Variants in PHACTR1 observed in about 807,000 individuals in gnomAD.
PHACTR1 encodes RPEL repeat containing 1.
A neutral mutation model predicts 69.2 loss-of-function variants in PHACTR1; 16 were observed. The observed-to-expected ratio is 0.23, with a 90% CI of 0.16 to 0.35. The LOEUF is 0.35. PHACTR1 is among the 10% of genes least tolerant of loss of function. PHACTR1 has a pLI of 1.00. For missense variants in PHACTR1, 510 were observed against 734.7 expected (o/e 0.69, Z 3.54); for synonymous variants, 312 against 284.5 (o/e 1.10, Z -0.97).
At chr6:13,074,258 A>G (rs1810039948) in intron 5 of PHACTR1, among the ~76,000 whole-genome samples, 1 of 152,212 alleles carries the variant, frequency 6.6e-6, no homozygotes, top group African/African-American at 2.4e-5. Context: ...AACATAAAAA[A>G]GATCTTACCC....
intron 5 of PHACTR1, among the ~76,000 whole-genome samples, chr6:13,088,203 G>A (rs1169993226): frequency 6.6e-6 from 1 of 151,982 alleles, no homozygotes; most frequent in South Asian, 2.1e-4. Flanking sequence ...AAATATAATA[G>A]ATTTTAAAAA....
chr6:12,810,968 C>T (rs905915204), intron 4 of PHACTR1, among the ~76,000 whole-genome samples: 8 of 152,208 alleles, frequency 5.3e-5, no homozygotes, highest in Non-Finnish European at 1.2e-4. Context: ...CATTGACGCG[C>T]TTTGTGTCAG....
At chr6:12,899,396 T>G (rs375748919) in intron 4 of PHACTR1, among the ~76,000 whole-genome samples, 1 of 152,228 alleles carries the variant, frequency 6.6e-6, no homozygotes, top group Admixed American at 6.5e-5. Flanking sequence ...GCCTTTTACC[T>G]GTTAATGTAA....
Position 12,845,424 on chromosome 6 carries a change from CA to C in PHACTR1, c.250+95635del, listed in dbSNP as rs1284610284. Among the ~76,000 whole-genome samples the C allele has an allele frequency of 7.9e-3, 176 of 22,376 alleles. 2 individuals carry two copies. Among genetic ancestry groups the C allele is most frequent in the African/African-American group, 0.018 (114 of 6,478 alleles). The allele number at this position is 22,376 out of a possible 152,430, so 14.7% of individuals were successfully genotyped here. A position where few individuals can be genotyped will look rare whatever the true frequency, so the allele number is the denominator to read the frequency against. On this transcript the variant is annotated intron_variant, in intron 4 of 14. Transcript: ENST00000332995. ...AGTGCCAAGATGTCATTGTGAACAC[CA>C]CCCACCCCCCCCCCCCCCGCCCTCC...
At chr6:13,272,989 G>C in intron 11 of PHACTR1, 74 bp downstream of exon 11, 1 of 1,582,584 alleles carries the variant, frequency 6.3e-7, no homozygotes. Flanking sequence ...TAGGCCACAA[G>C]GTTTCTACCT....
At chr6:12,950,762 T>C (rs747820124) in intron 4 of PHACTR1, among the ~76,000 whole-genome samples, 4 of 152,154 alleles carry the variant, frequency 2.6e-5, no homozygotes, top group South Asian at 2.1e-4. Context: ...ACCTTAGAAC[T>C]TCCCCCCAGT....
intron 5 of PHACTR1, among the ~76,000 whole-genome samples, chr6:13,079,001 T>C (rs1209350699): frequency 6.6e-6 from 1 of 152,240 alleles, no homozygotes; most frequent in Non-Finnish European, 1.5e-5. Context: ...AACTTAATTT[T>C]TTTTCTTCTT....
intron 4 of PHACTR1, among the ~76,000 whole-genome samples, chr6:13,000,181 C>T (rs1010786536): frequency 9.2e-5 from 14 of 152,126 alleles, no homozygotes; most frequent in Admixed American, 7.2e-4. Context: ...TGGGAATCCA[C>T]GACAAGGCAT....
intron 8 of PHACTR1, among the ~76,000 whole-genome samples, chr6:13,217,210 C>T (rs1767812076): frequency 6.6e-6 from 1 of 152,238 alleles, no homozygotes; most frequent in Non-Finnish European, 1.5e-5. Context: ...AGGAAGCACA[C>T]TGCACCAGCA....
chr6:12,753,963 TA>T (rs61481822), intron 4 of PHACTR1, among the ~76,000 whole-genome samples: 4,030 of 120,864 alleles, frequency 0.033, 227 homozygotes, highest in African/African-American at 0.1. Context: ...TATATATATA[TA>T]TATATATTTT....
chr6:12,844,715 G>A (rs1779030451), intron 4 of PHACTR1, among the ~76,000 whole-genome samples: 1 of 151,418 alleles, frequency 6.6e-6, no homozygotes, highest in African/African-American at 2.4e-5. Context: ...GTTTCAAGAA[G>A]TATTTGAGGT....
At chr6:13,220,088 A>C (rs1229618339) in intron 8 of PHACTR1, among the ~76,000 whole-genome samples, 1 of 152,220 alleles carries the variant, frequency 6.6e-6, no homozygotes, top group Non-Finnish European at 1.5e-5. Context: ...GAACATTTAC[A>C]ACACGCTTTC....
intron 4 of PHACTR1, among the ~76,000 whole-genome samples, chr6:12,804,347 A>G (rs1304975968): frequency 6.6e-6 from 1 of 151,994 alleles, no homozygotes; most frequent in Non-Finnish European, 1.5e-5. Context: ...AATTTTTCTG[A>G]TTTCTTCTCA....
intron 4 of PHACTR1, among the ~76,000 whole-genome samples, chr6:12,768,389 C>T (rs1768939703): frequency 6.6e-6 from 1 of 152,196 alleles, no homozygotes; most frequent in South Asian, 2.1e-4. Flanking sequence ...GCTGGGATTA[C>T]AGGCGTGAGC....
chr6:13,003,664 G>A (rs1798364816), intron 4 of PHACTR1, among the ~76,000 whole-genome samples: 1 of 151,764 alleles, frequency 6.6e-6, no homozygotes, highest in African/African-American at 2.4e-5. Context: ...GGTGAAGCCT[G>A]GCCTTTGAGT....
At chr6:13,160,391 T>C in intron 6 of PHACTR1, 107 bp downstream of exon 6, 2 of 999,582 alleles carry the variant, frequency 2.0e-6, no homozygotes, top group Non-Finnish European at 3.2e-6. Context: ...GATATCAGGA[T>C]TTGAACCATT....
intron 4 of PHACTR1, among the ~76,000 whole-genome samples, chr6:13,033,867 A>G (rs527364274): frequency 1.2e-4 from 17 of 137,370 alleles, no homozygotes; most frequent in Non-Finnish European, 2.5e-4. Flanking sequence ...TACACCAAAT[A>G]TAATAAAGCA....
chr6:12,994,318 G>A (rs1341932940), intron 4 of PHACTR1, among the ~76,000 whole-genome samples: 1 of 152,166 alleles, frequency 6.6e-6, no homozygotes, highest in Non-Finnish European at 1.5e-5. Context: ...CAAGAGGTGG[G>A]ATTTTTCCCC....
chr6:12,951,062 A>G (rs1791233802), intron 4 of PHACTR1, among the ~76,000 whole-genome samples: 1 of 152,196 alleles, frequency 6.6e-6, no homozygotes, highest in African/African-American at 2.4e-5. Context: ...AAGCTGTCAT[A>G]TAGATTTTGT....
Sources: allele counts gnomAD v4.1 joint callset (sites outside exome capture counted in the v4.1 genomes callset), GRCh38; gene constraint gnomAD v4.1.1; transcripts MANE v1.5; gene names NCBI Gene and HGNC (gene_info 2026-07-23, HGNC 2026-07-21).